The following FGF13 variants were observed in gnomAD, a reference collection of about 807,000 sequenced individuals.
FGF13 encodes the protein fibroblast growth factor 13, also known as fibroblast growth factor homologous factor 2.
FGF13 carries 2 observed loss-of-function variants against 19.5 expected under a neutral mutation model. The ratio of observed to expected loss-of-function variants is 0.10; its 90% CI spans 0.04 to 0.32. The LOEUF (loss-of-function observed/expected upper bound fraction) is 0.32, where lower values mean the gene tolerates loss of function less well. FGF13 is among the 10% of genes least tolerant of loss of function. The pLI is 1.00. For missense variants in FGF13, 113 were observed against 192.7 expected, an observed-to-expected ratio of 0.59 and a Z score of 2.45; for synonymous variants, 72 against 76.9, an observed-to-expected ratio of 0.94 and a Z score of 0.33.
chrX:138,868,001 A>G (rs764689886), intron 1 of FGF13, among the ~76,000 whole-genome samples: 78 of 111,739 alleles, frequency 7.0e-4, no homozygotes, highest in Non-Finnish European at 1.3e-3. Context: ...AGTAGGAGAG[A>G]TGACTCAGTG....
chrX:138,632,693 T>C lies in FGF13; in HGVS notation c.*157A>G. 1.9e-6 allele frequency: 1 copy of C among 517,592 alleles called. No individual in the cohort carries two copies. Among genetic ancestry groups the C allele is most frequent in the Non-Finnish European group, 3.1e-6 (1 of 322,625 alleles). The allele number at this position is 517,592 out of a possible 1,213,427, so 42.7% of individuals were successfully genotyped here. On this transcript the variant is annotated 3_prime_UTR_variant, in exon 5 of 5. Transcript: ENST00000315930. ...AATAATGGGGCTTTAGTATGGATGA[T>C]AAGAAGGTCTAATGGCAGATAGAAT...
intron 3 of FGF13, among the ~76,000 whole-genome samples, chrX:138,788,629 C>T (rs1455541445): frequency 8.9e-6 from 1 of 112,325 alleles, no homozygotes; most frequent in Non-Finnish European, 1.9e-5. Flanking sequence ...CCAATACAAT[C>T]TAAGAAGTCT....
At chrX:139,157,823 C>A (rs1041002494) in intron 1 of FGF13, among the ~76,000 whole-genome samples, 3 of 112,245 alleles carry the variant, frequency 2.7e-5, no homozygotes, top group Non-Finnish European at 5.6e-5. Flanking sequence ...GTCGGGGTGG[C>A]CGAATAGGAA....
intron 1 of FGF13, chrX:138,990,528 G>C (rs1423497739): frequency 9.1e-6 from 1 of 109,828 alleles, no homozygotes; most frequent in African/African-American, 3.3e-5. Context: ...GGCTGGGGAG[G>C]CCTCACAATC....
chrX:139,013,479 T>TTATTTATATATA (rs2092138595), intron 1 of FGF13, among the ~76,000 whole-genome samples: 5 of 71,083 alleles, frequency 7.0e-5, no homozygotes, highest in African/African-American at 3.0e-4. Flanking sequence ...AAAGAAAATT[T>TTATTTATATATA]TATATATATA....
intron 1 of FGF13, among the ~76,000 whole-genome samples, chrX:139,097,019 C>T (rs762619774): frequency 9.0e-5 from 10 of 111,359 alleles, no homozygotes; most frequent in Non-Finnish European, 1.7e-4. Context: ...TAGACAATAA[C>T]ATGAGAAAGG....
rs770148210 is a variant in FGF13, at chrX:138,630,095, G to A, written c.*2755C>T. 9.0e-6 allele frequency: 1 copy of A among 110,627 alleles called. No homozygotes were observed. The highest frequency in any genetic ancestry group is 3.3e-5 in the African/African-American group (1 of 30,427). 9.1% of individuals were successfully genotyped at this position (110,627 alleles called of 1,213,427 possible). A position where few individuals can be genotyped will look rare whatever the true frequency, so the allele number is the denominator to read the frequency against. On this transcript the variant is annotated 3_prime_UTR_variant, in exon 5 of 5. Coordinates refer to ENST00000315930, the MANE Select transcript of FGF13 (RefSeq NM_004114.5). ...GTATTGATATCATCACTTGTAGGAA[G>A]GTTTGAGGACTATTTATTTACTTAT...
At chrX:139,041,058 T>A (rs753359772) in intron 1 of FGF13, among the ~76,000 whole-genome samples, 1 of 1,576 alleles carries the variant, frequency 6.3e-4, no homozygotes, top group African/African-American at 3.4e-3. Flanking sequence ...CTGTCGGAGG[T>A]GGGGGTGGGG....
intron 1 of FGF13, among the ~76,000 whole-genome samples, chrX:138,977,726 G>C (rs2091945520): frequency 8.9e-6 from 1 of 111,989 alleles, no homozygotes; most frequent in African/African-American, 3.2e-5. Context: ...AATGGGAGCA[G>C]AGCTAGAGAA....
intron 3 of FGF13, 128 bp downstream of exon 3, chrX:138,702,856 G>A: frequency 4.3e-6 from 2 of 469,479 alleles, no homozygotes; most frequent in East Asian, 7.3e-5. Flanking sequence ...TCCTTTCAAT[G>A]AAATATTTCC....
At position 138,711,462 on chromosome X, in the gene FGF13, G is replaced by A; in HGVS notation, c.-459C>T. On this transcript the variant is annotated 5_prime_UTR_variant, in exon 1 of 5. Transcript: ENST00000315930. ...GTGAGCGCGGGCGGGAGAGAGGCCGGGAGCTCGGGCGGCCGGACGGAGGAG... is the reference window on the plus strand; with the variant it reads ...GTGAGCGCGGGCGGGAGAGAGGCCGAGAGCTCGGGCGGCCGGACGGAGGAG... The A allele has an allele frequency of 1.4e-6, 1 of 721,765 alleles. No homozygotes were observed. Among genetic ancestry groups the A allele is most frequent in the Non-Finnish European group, 1.6e-6 (1 of 607,944 alleles). The allele number at this position is 721,765 out of a possible 1,213,427, so 59.5% of individuals were successfully genotyped here.
Position 138,885,659 on chromosome X carries a change from T to G in FGF13, c.-112-21009A>C, listed in dbSNP as rs374801084. ...TTACATCCTCCCTTAACTCCTTTAG[T>G]TCATTATTCAGATGTCATCTTCTCC... On this transcript the variant is annotated intron_variant, in intron 1 of 2. Transcript: ENST00000421460. Among the ~76,000 whole-genome samples the G allele has an allele frequency of 1.4e-4, 15 of 107,047 alleles. No homozygotes were observed. The East Asian group carries it at 4.2e-3, about 30-fold the overall frequency. The allele number at this position is 107,047 out of a possible 115,157, so 93.0% of individuals were successfully genotyped here.
chrX:139,137,994 A>G (rs985878555), intron 1 of FGF13, among the ~76,000 whole-genome samples: 6 of 112,303 alleles, frequency 5.3e-5, no homozygotes, highest in African/African-American at 1.9e-4. Flanking sequence ...CGTTGTTCCC[A>G]TATCCTATGA....
At chrX:139,016,264 G>A (rs994293724) in intron 1 of FGF13, among the ~76,000 whole-genome samples, 1 of 111,622 alleles carries the variant, frequency 9.0e-6, no homozygotes, top group Non-Finnish European at 1.9e-5. Context: ...ATCTGTTTGC[G>A]CTTTATATGT....
intron 3 of FGF13, among the ~76,000 whole-genome samples, chrX:138,791,761 C>A (rs1180444277): frequency 8.9e-6 from 1 of 111,817 alleles, no homozygotes; most frequent in Non-Finnish European, 1.9e-5. Flanking sequence ...GAGCATTCAG[C>A]TAGAAAAGTA....
intron 3 of FGF13, among the ~76,000 whole-genome samples, chrX:138,772,480 C>A (rs958952933): frequency 2.7e-5 from 3 of 110,788 alleles, no homozygotes; most frequent in South Asian, 7.8e-4. Context: ...AAATGTTTTA[C>A]CCAGATACAA....
At chrX:139,039,424 G>A (rs1384615245) in intron 1 of FGF13, among the ~76,000 whole-genome samples, 1 of 111,987 alleles carries the variant, frequency 8.9e-6, no homozygotes, top group African/African-American at 3.2e-5. Flanking sequence ...TCCTAAAAAG[G>A]ATGTGTTTTA....
At chrX:138,777,023 G>C (rs112310149) in intron 3 of FGF13, among the ~76,000 whole-genome samples, 3,989 of 111,846 alleles carry the variant, frequency 0.036, 78 homozygotes, top group Non-Finnish European at 0.055. Context: ...TAGCACAGTA[G>C]CAGGGTGTCT....
At chrX:138,702,226 A>C (rs2089953915) in intron 3 of FGF13, among the ~76,000 whole-genome samples, 2 of 111,707 alleles carry the variant, frequency 1.8e-5, no homozygotes, top group South Asian at 7.4e-4. Context: ...TAAAATAAAA[A>C]TTCATATATC....
Sources: gnomAD v4.1 joint callset for allele counts (sites outside exome capture counted in the v4.1 genomes callset) on GRCh38, gnomAD v4.1.1 for gene constraint, MANE v1.5 for transcripts, NCBI Gene and HGNC (gene_info 2026-07-23, HGNC 2026-07-21) for gene names.